The following BICC1 variants were observed in gnomAD, a reference collection of about 807,000 sequenced individuals.
The protein encoded by BICC1 is BicC family RNA binding protein 1, also known as protein bicaudal C homolog 1.
A neutral mutation model predicts 111.0 loss-of-function variants in BICC1; 43 were observed. The ratio of observed to expected loss-of-function variants is 0.39; its 90% CI spans 0.30 to 0.50. The LOEUF is 0.50. Among genes scored for constraint, BICC1 ranks in the 20% least tolerant of loss-of-function variants. The probability of loss-of-function intolerance (pLI) is 0.88; values close to 1 mark genes in which losing one functional copy is unlikely to be tolerated. For missense variants in BICC1, 1,091 were observed against 1,203.2 expected, an observed-to-expected ratio of 0.91 and a Z score of 1.38; for synonymous variants, 467 against 434.4, an observed-to-expected ratio of 1.07 and a Z score of -0.93.
chr10:58,823,173 G>A (rs1470528163), intron 20 of BICC1: 1 of 948,034 alleles, frequency 1.1e-6, no homozygotes, highest in East Asian at 1.2e-4. Context: ...CTGTTGACAG[G>A]CTTCCCACCA....
intron 3 of BICC1, chr10:58,715,963 C>T (rs3816114): frequency 0.71 from 956,477 of 1,352,140 alleles, 346,542 homozygotes; most frequent in East Asian, 0.9. Context: ...AAAGAAGAAC[C>T]GTTCACATAA....
intron 1 of BICC1, among the ~76,000 whole-genome samples, chr10:58,518,980 C>T (rs1263326931): frequency 6.6e-6 from 1 of 152,136 alleles, no homozygotes; most frequent in Non-Finnish European, 1.5e-5. Context: ...ATGACTTTTA[C>T]AGGCAAGAAT....
intron 1 of BICC1, among the ~76,000 whole-genome samples, chr10:58,513,651 A>C (rs1297882997): frequency 6.6e-6 from 1 of 152,140 alleles, no homozygotes; most frequent in Non-Finnish European, 1.5e-5. Context: ...TAGCCCGGAC[A>C]CCTGGGCTGT....
At chr10:58,550,383 G>A (rs1179104166) in intron 1 of BICC1, among the ~76,000 whole-genome samples, 2 of 152,012 alleles carry the variant, frequency 1.3e-5, no homozygotes, top group Admixed American at 6.5e-5. Context: ...CCGAATCTTT[G>A]GTTTGTCATT....
chr10:58,623,944 TGAGA>T (rs1463395280), intron 2 of BICC1, among the ~76,000 whole-genome samples: 1 of 151,726 alleles, frequency 6.6e-6, no homozygotes, highest in African/African-American at 2.4e-5. Flanking sequence ...TCACCACAAA[TGAGA>T]TTGTTAGGGA....
At chr10:58,650,856 A>G (rs934484677) in intron 2 of BICC1, 2 of 152,156 alleles carry the variant, frequency 1.3e-5, no homozygotes. Context: ...CCCTTGTTAA[A>G]AATAAATAAA....
chr10:58,726,215 A>C (rs899845707), intron 3 of BICC1, among the ~76,000 whole-genome samples: 3 of 152,328 alleles, frequency 2.0e-5, no homozygotes, highest in African/African-American at 7.2e-5. Context: ...CATTCAGATA[A>C]GACTACCCAC....
At chr10:58,533,855 G>T (rs536718730) in intron 1 of BICC1, among the ~76,000 whole-genome samples, 1 of 151,736 alleles carries the variant, frequency 6.6e-6, no homozygotes, top group African/African-American at 2.4e-5. Context: ...AGCAAGAGCC[G>T]CAAAGGGGGA....
chr10:58,742,649 T>G (rs1195249206), intron 3 of BICC1, among the ~76,000 whole-genome samples: 1 of 151,728 alleles, frequency 6.6e-6, no homozygotes, highest in African/African-American at 2.4e-5. Context: ...TATTGGCCAG[T>G]CTGGTCTTGA....
intron 2 of BICC1, among the ~76,000 whole-genome samples, chr10:58,681,279 G>A (rs1280812696): frequency 6.6e-6 from 1 of 152,080 alleles, no homozygotes; most frequent in Non-Finnish European, 1.5e-5. Context: ...TCTGACAAAG[G>A]CCTAATATAC....
At chr10:58,567,150 G>A (rs1658436) in intron 1 of BICC1, among the ~76,000 whole-genome samples, 76,208 of 151,918 alleles carry the variant, frequency 0.5, 19,423 homozygotes, top group Admixed American at 0.64. Context: ...CTTAGGAAAG[G>A]TGGGGAAAAA....
At chr10:58,577,458 C>G (rs1486954516) in intron 1 of BICC1, among the ~76,000 whole-genome samples, 1 of 152,142 alleles carries the variant, frequency 6.6e-6, no homozygotes, top group East Asian at 1.9e-4. Context: ...CCTGTAGCTT[C>G]CTAACAATTC....
At chr10:58,531,109 A>C (rs1351031160) in intron 1 of BICC1, among the ~76,000 whole-genome samples, 2 of 151,878 alleles carry the variant, frequency 1.3e-5, no homozygotes, top group Non-Finnish European at 1.5e-5. Flanking sequence ...AAAAAGAGTA[A>C]AATGGAATTA....
At chr10:58,790,555 C>T (rs976112079) in intron 8 of BICC1, among the ~76,000 whole-genome samples, 3 of 152,170 alleles carry the variant, frequency 2.0e-5, no homozygotes, top group Non-Finnish European at 4.4e-5. Flanking sequence ...CGGCCAGGTG[C>T]GGTACCTCAT....
At chr10:58,598,433 G>T (rs1477349569) in intron 1 of BICC1, among the ~76,000 whole-genome samples, 2 of 152,084 alleles carry the variant, frequency 1.3e-5, no homozygotes, top group African/African-American at 4.8e-5. Flanking sequence ...AATAAATGTT[G>T]TTGGGAAAAC....
intron 12 of BICC1, 89 bp from the exon 13 acceptor site, chr10:58,800,105 G>T: frequency 3.9e-6 from 4 of 1,027,410 alleles, no homozygotes; most frequent in Admixed American, 2.7e-5. Context: ...TTTCTTTTTC[G>T]TGGCTGTTAT....
At chr10:58,621,420 A>G (rs1320565512) in intron 2 of BICC1, among the ~76,000 whole-genome samples, 1 of 152,198 alleles carries the variant, frequency 6.6e-6, no homozygotes, top group Non-Finnish European at 1.5e-5. Context: ...ACTTGGTGTT[A>G]TCTGACATTG....
chr10:58,626,699 CT>C (rs1393846192), intron 2 of BICC1, among the ~76,000 whole-genome samples: 1 of 152,142 alleles, frequency 6.6e-6, no homozygotes. Context: ...ATGGTATATT[CT>C]TTTATTTCAT....
chr10:58,595,616 C>T (rs1182326319), intron 1 of BICC1, among the ~76,000 whole-genome samples: 1 of 152,132 alleles, frequency 6.6e-6, no homozygotes, highest in Non-Finnish European at 1.5e-5. Flanking sequence ...TAAATGACTG[C>T]TGGGTAAATA....
Sources: allele counts gnomAD v4.1 joint callset (sites outside exome capture counted in the v4.1 genomes callset), GRCh38; gene constraint gnomAD v4.1.1; transcripts MANE v1.5; gene names NCBI Gene and HGNC (gene_info 2026-07-23, HGNC 2026-07-21).